Variants in DENND2C observed in about 807,000 individuals in gnomAD.
DENND2C encodes the protein DENN domain-containing protein 2C.
In DENND2C, 72 loss-of-function variants were observed where a neutral mutation model predicts 112.4. The observed-to-expected ratio is 0.64, with a 90% CI of 0.53 to 0.78. The LOEUF is 0.78. DENND2C is among the 30% of genes least tolerant of loss of function. The pLI, the probability that DENND2C is intolerant of heterozygous loss-of-function variation, is 0.00. For missense variants in DENND2C, 992 were observed against 1,113.8 expected (o/e 0.89, Z 1.56); for synonymous variants, 329 against 381.6 (o/e 0.86, Z 1.61).
rs1191799609 is a variant in DENND2C at position 114,601,539 on chromosome 1, C to T, written c.1784G>A (p.Ser595Asn). ...KRLPEVYCMV[S>N]RLGCFNLFSK... ...AAAAAGATTGAAGCAGCCTAGGCGA[C>T]TAACCATGCAGTATACCTCAGGGAG... is the stretch of plus-strand genomic sequence containing the variant. Residue 595 changes from serine to asparagine, a missense_variant, in exon 13 of 21, where the codon AGT becomes AAT. This residue lies in a region of DENND2C where 516 missense variants were observed against 623.6 expected (regional missense o/e 0.83). Coordinates refer to ENST00000393274, the MANE Select transcript of DENND2C (RefSeq NM_001256404.2). 1.3e-5 allele frequency: 21 copies of T among 1,613,480 alleles called. No individual in the cohort carries two copies. Among genetic ancestry groups the T allele is most frequent in the Non-Finnish European group, 1.7e-5 (20 of 1,179,698 alleles).
chr1:114,618,960 A>G (rs1180652391), intron 7 of DENND2C, among the ~76,000 whole-genome samples: 3 of 152,250 alleles, frequency 2.0e-5, no homozygotes, highest in African/African-American at 7.2e-5. Context: ...GAATATTCTA[A>G]GAGTACTAAC....
intron 2 of DENND2C, among the ~76,000 whole-genome samples, chr1:114,646,578 T>C (rs1300617305): frequency 6.6e-6 from 1 of 152,198 alleles, no homozygotes; most frequent in Non-Finnish European, 1.5e-5. Flanking sequence ...CAAGTGAGGA[T>C]GTCACCGCCA....
intron 3 of DENND2C, among the ~76,000 whole-genome samples, chr1:114,641,289 GA>G (rs1029507430): frequency 1.4e-5 from 2 of 147,224 alleles, no homozygotes; most frequent in Non-Finnish European, 3.0e-5. Flanking sequence ...AAAAGAAAAA[GA>G]AAAAAAATCG....
At chr1:114,626,944 T>C (rs1021587574) in intron 3 of DENND2C, among the ~76,000 whole-genome samples, 2 of 152,116 alleles carry the variant, frequency 1.3e-5, no homozygotes, top group African/African-American at 4.8e-5. Context: ...AACACACCAA[T>C]AGCCAACTTT....
intron 16 of DENND2C, among the ~76,000 whole-genome samples, chr1:114,598,979 G>C (rs939249332): frequency 1.3e-5 from 2 of 152,088 alleles, no homozygotes; most frequent in Non-Finnish European, 2.9e-5. Context: ...CACCATGCCC[G>C]GCCTTGAAAT....
intron 1 of DENND2C, among the ~76,000 whole-genome samples, chr1:114,661,103 T>C (rs1191891315): frequency 1.2e-5 from 1 of 85,766 alleles, no homozygotes; most frequent in East Asian, 3.0e-4. Flanking sequence ...CGAGACTCCG[T>C]CTCAAAAAAA....
chr1:114,612,841 T>C (rs1655861039), intron 8 of DENND2C, among the ~76,000 whole-genome samples: 1 of 151,986 alleles, frequency 6.6e-6, no homozygotes, highest in Non-Finnish European at 1.5e-5. Context: ...TTGTATTTTT[T>C]GTAGAGACGG....
chr1:114,653,349 T>A (rs1570811253), intron 2 of DENND2C, among the ~76,000 whole-genome samples: 1 of 152,152 alleles, frequency 6.6e-6, no homozygotes, highest in South Asian at 2.1e-4. Context: ...ACTCAAGCAA[T>A]CCGCCTGCCT....
intron 1 of DENND2C, among the ~76,000 whole-genome samples, chr1:114,663,595 T>C (rs1050615695): frequency 9.9e-5 from 15 of 152,246 alleles, no homozygotes; most frequent in African/African-American, 3.1e-4. Flanking sequence ...TCCGTTAAGG[T>C]TGGCAGACTA....
intron 19 of DENND2C, 45 bp downstream of exon 19, chr1:114,587,671 A>C (rs747550063): frequency 2.6e-6 from 4 of 1,517,170 alleles, no homozygotes; most frequent in Non-Finnish European, 3.6e-6. Flanking sequence ...AAATCTTTCA[A>C]GGTATTCACT....
At chr1:114,660,447 C>T (rs1657461611) in intron 1 of DENND2C, among the ~76,000 whole-genome samples, 1 of 152,154 alleles carries the variant, frequency 6.6e-6, no homozygotes, top group Non-Finnish European at 1.5e-5. Context: ...TCCAAGCTTT[C>T]CTGCTGCCCT....
intron 1 of DENND2C, among the ~76,000 whole-genome samples, chr1:114,660,489 T>C (rs1192912244): frequency 6.6e-6 from 1 of 152,160 alleles, no homozygotes; most frequent in African/African-American, 2.4e-5. Context: ...AGGATGTCTA[T>C]ACTTTCAGCT....
intron 1 of DENND2C, among the ~76,000 whole-genome samples, chr1:114,660,583 T>C (rs988426246): frequency 1.3e-5 from 2 of 152,156 alleles, no homozygotes; most frequent in Non-Finnish European, 2.9e-5. Context: ...TTTGAGGAGA[T>C]ACTCATTAAA....
chr1:114,647,098 G>A (rs1488288557), intron 2 of DENND2C, among the ~76,000 whole-genome samples: 1 of 151,628 alleles, frequency 6.6e-6, no homozygotes, highest in Non-Finnish European at 1.5e-5. Flanking sequence ...AGGCACACAG[G>A]TTGCAGTGGG....
At chr1:114,590,640 A>G (rs982334474) in intron 18 of DENND2C, among the ~76,000 whole-genome samples, 6 of 151,350 alleles carry the variant, frequency 4.0e-5, no homozygotes, top group Non-Finnish European at 7.4e-5. Context: ...TAGCCGGGCG[A>G]GGTGGCAGGC....
chr1:114,623,438 C>A, intron 5 of DENND2C, 69 bp downstream of exon 5: 7 of 1,456,896 alleles, frequency 4.8e-6, no homozygotes, highest in South Asian at 3.7e-5. Flanking sequence ...AAGAAAATAC[C>A]ATCCTACAAT....
chr1:114,608,941 C>A, intron 9 of DENND2C, 68 bp from the exon 10 acceptor site: 1 of 1,530,404 alleles, frequency 6.5e-7, no homozygotes, highest in South Asian at 1.1e-5. Context: ...ATCCAGAGGT[C>A]ATGACCCACA....
At chr1:114,655,878 G>T (rs114375359) in intron 1 of DENND2C, among the ~76,000 whole-genome samples, 1 of 19,942 alleles carries the variant, frequency 5.0e-5, no homozygotes, top group East Asian at 5.8e-4. Context: ...ATATATATAT[G>T]TATAAATATA....
intron 1 of DENND2C, among the ~76,000 whole-genome samples, chr1:114,657,635 G>C (rs1377744533): frequency 6.6e-6 from 1 of 152,230 alleles, no homozygotes; most frequent in Non-Finnish European, 1.5e-5. Context: ...ACTTGGACAA[G>C]AGCAGGTTCA....
Sources: allele counts gnomAD v4.1 joint callset (sites outside exome capture counted in the v4.1 genomes callset), GRCh38; gene constraint gnomAD v4.1.1; regional missense constraint gnomAD v4.1.1; transcripts MANE v1.5; gene names NCBI Gene and HGNC (gene_info 2026-07-23, HGNC 2026-07-21).